The following CD109 variants were observed in gnomAD, a reference collection of about 807,000 sequenced individuals.
CD109 encodes CD109 molecule.
Under a neutral mutation model 165.8 loss-of-function variants are expected in CD109, and 149 were observed. The observed-to-expected ratio is 0.90, with a 90% CI of 0.79 to 1.03. The LOEUF (loss-of-function observed/expected upper bound fraction) is 1.03. CD109 is among the 50% of genes least tolerant of loss of function. CD109 has a pLI of 0.00. For missense variants in CD109, 1,712 were observed against 1,677.8 expected (o/e 1.02, Z -0.36); for synonymous variants, 585 against 592.1 (o/e 0.99, Z 0.18).
intron 15 of CD109, among the ~76,000 whole-genome samples, chr6:73,779,050 C>A (rs1483010750): frequency 2.0e-5 from 3 of 152,152 alleles, no homozygotes; most frequent in Non-Finnish European, 4.4e-5. Context: ...CAGACAGAGA[C>A]TCTGTAATCA....
intron 19 of CD109, 58 bp downstream of exon 19, chr6:73,783,882 C>T (rs1774595595): frequency 2.2e-6 from 2 of 910,230 alleles, no homozygotes; most frequent in South Asian, 3.0e-5. Context: ...AATACAGCGT[C>T]AGCTCCTCAA....
chr6:73,774,671 T>C (rs1004885560), intron 15 of CD109, among the ~76,000 whole-genome samples: 1 of 152,200 alleles, frequency 6.6e-6, no homozygotes, highest in African/African-American at 2.4e-5. Flanking sequence ...GGACTGTGTG[T>C]CCTGAGGCTA....
In CD109 at chr6:73,780,449, A is replaced by G; in HGVS notation, c.1853A>G (p.Asn618Ser). The stretch of plus-strand genomic sequence containing the variant: ...GTGGTCCATGAGTTGGAACTTTATA[A>G]CACAGGATATTATTTAGGCATGTTC... Reference protein sequence around the residue: ...ENVVHELELYNTGYYLGMFMN... With the variant: ...ENVVHELELYSTGYYLGMFMN... The change falls in exon 16 of 33, where the codon AAC (asparagine) becomes AGC (serine). Residue 618 changes from asparagine (N) to serine (S), a missense_variant. By Grantham distance (46) the Asn-to-Ser change is conservative. Transcript: ENST00000287097. 6.2e-7 allele frequency: 1 copy of G among 1,608,120 alleles called. No homozygotes were observed.
intron 32 of CD109, among the ~76,000 whole-genome samples, chr6:73,821,075 G>T (rs1776091927): frequency 6.6e-6 from 1 of 152,106 alleles, no homozygotes; most frequent in Non-Finnish European, 1.5e-5. Flanking sequence ...ACCAAATGCT[G>T]CATGTTCGCA....
intron 2 of CD109, among the ~76,000 whole-genome samples, chr6:73,707,089 G>A (rs1182465115): frequency 6.6e-6 from 1 of 152,220 alleles, no homozygotes; most frequent in Non-Finnish European, 1.5e-5. Context: ...TTCATTTGAT[G>A]TGTCCTCCCA....
At position 73,730,530 on chromosome 6, in the gene CD109, T is replaced by C. The variant is rs1653718451; in HGVS notation, c.463T>C (p.Ser155Pro). 6.2e-7 allele frequency: 1 copy of C among 1,614,116 alleles called. No homozygotes were observed. The highest frequency in any genetic ancestry group is 8.5e-7 in the Non-Finnish European group (1 of 1,179,976). ...EVKFRIVTLF[S>P]DFKPYKTSLN... ...GAAGTTTCGCATTGTTACACTCTTC[T>C]CAGATTTTAAGCCTTACAAAACCTC... is the stretch of plus-strand genomic sequence containing the variant. Residue 155 changes from serine to proline, a missense_variant, in exon 4 of 33, where the codon TCA (serine) becomes CCA (proline). Ser to Pro is a moderately conservative substitution (Grantham distance 74, BLOSUM62 -1). Coordinates refer to ENST00000287097, the MANE Select transcript of CD109 (RefSeq NM_133493.5).
At position 73,780,488 on chromosome 6, in the gene CD109, C is replaced by T. The variant is rs1774443967; in HGVS notation, c.1892C>T (p.Ala631Val). ...YYLGMFMNSFAVFQECGLWVL... is the reference protein window; with the variant it reads ...YYLGMFMNSFVVFQECGLWVL... ...TTAGGCATGTTCATGAATTCTTTTG[C>T]AGTCTTTCAGGTATGTTTTGCTTGC... Residue 631 changes from alanine to valine, a missense_variant, in exon 16 of 33, where the codon GCA becomes GTA. Coordinates refer to ENST00000287097, the MANE Select transcript of CD109 (RefSeq NM_133493.5). 3 of 1,603,544 alleles carry T rather than the reference C, an allele frequency of 1.9e-6. No individual in the cohort carries two copies. The highest frequency in any genetic ancestry group is 1.3e-5 in the African/African-American group (1 of 74,782).
rs1776285096 is a variant in CD109 at position 73,826,630 on chromosome 6, G to T, written c.*2997G>T. ...CTTCCTTTTATTGTGTTGTGCTATT[G>T]TACTTTGTTTTTCAAAACATTGTAA... On this transcript the variant is annotated 3_prime_UTR_variant, in exon 33 of 33. Coordinates refer to ENST00000287097, the MANE Select transcript of CD109 (RefSeq NM_133493.5). 1 of 152,100 alleles carries T rather than the reference G, an allele frequency of 6.6e-6. No homozygotes were observed. Among genetic ancestry groups the T allele is most frequent in the Non-Finnish European group, 1.5e-5 (1 of 68,002 alleles). 9.4% of individuals were successfully genotyped at this position (152,100 alleles called of 1,614,324 possible). A position where few individuals can be genotyped will look rare whatever the true frequency, so the allele number is the denominator to read the frequency against.
chr6:73,737,636 A>C (rs1257087762), intron 5 of CD109, among the ~76,000 whole-genome samples: 1 of 152,240 alleles, frequency 6.6e-6, no homozygotes, highest in African/African-American at 2.4e-5. Flanking sequence ...CACTGTTATA[A>C]ATGGCAGCCT....
rs747618552 is a variant in CD109, at chr6:73,815,035, A to G, written c.3823A>G (p.Ile1275Val). Residue 1275 changes from isoleucine (I) to valine (V), a missense_variant, in exon 30 of 33, where the codon ATC (isoleucine) becomes GTC (valine). Ile to Val is a conservative substitution (Grantham distance 29). Transcript: ENST00000287097. ...TGGGTCTTCTAGAAGACGAAGATCT[A>G]TCCAAAATCAAGAAGCCTTTGATTT... is the stretch of plus-strand genomic sequence containing the variant. ...ASGSSRRRRS[I>V]QNQEAFDLDV... is the part of the protein sequence containing the mutation. The G allele has an allele frequency of 6.3e-6, 10 of 1,587,328 alleles. No homozygotes were observed. The East Asian group carries it at 2.1e-4, about 33-fold the overall frequency.
At chr6:73,686,404 T>C in the CD109 span, among the ~76,000 whole-genome samples, 1 of 152,254 alleles carries the variant, frequency 6.6e-6, no homozygotes, top group Admixed American at 6.5e-5. Context: ...ATCTGTGTGA[T>C]GTTTAATACG....
chr6:73,738,287 G>A (rs1378833810), intron 5 of CD109, among the ~76,000 whole-genome samples: 1 of 152,164 alleles, frequency 6.6e-6, no homozygotes, highest in Non-Finnish European at 1.5e-5. Context: ...GTGTTCTTCA[G>A]TTCTTCTGAT....
intron 31 of CD109, 147 bp from the exon 32 acceptor site, chr6:73,820,314 G>A: frequency 3.7e-6 from 2 of 542,068 alleles, no homozygotes; most frequent in Non-Finnish European, 6.6e-6. Flanking sequence ...TAGTTCATAG[G>A]AAGTACTTAC....
intron 19 of CD109, 92 bp from the exon 20 acceptor site, chr6:73,785,272 C>T: frequency 1.4e-6 from 1 of 703,746 alleles, no homozygotes; most frequent in South Asian, 1.7e-5. Flanking sequence ...AAGTTAAAAG[C>T]TTCACAGGTT....
At chr6:73,780,647 A>T (rs1774448072) in intron 16 of CD109, 149 bp downstream of exon 16, 1 of 547,656 alleles carries the variant, frequency 1.8e-6, no homozygotes, top group Non-Finnish European at 3.2e-6. Context: ...AAATGAAAAG[A>T]TAATCATCTT....
chr6:73,717,885 C>T (rs1771804220), intron 2 of CD109, among the ~76,000 whole-genome samples: 3 of 151,464 alleles, frequency 2.0e-5, no homozygotes, highest in Admixed American at 6.6e-5. Flanking sequence ...TCCCAAAGTG[C>T]TGGGATTACA....
At chr6:73,718,398 C>CT (rs991265371) in intron 2 of CD109, among the ~76,000 whole-genome samples, 6 of 151,804 alleles carry the variant, frequency 4.0e-5, no homozygotes, top group Non-Finnish European at 7.4e-5. Flanking sequence ...TCATATATGG[C>CT]TTTTTTTATG....
chr6:73,731,080 C>T (rs2150180755), intron 4 of CD109, among the ~76,000 whole-genome samples: 1 of 151,092 alleles, frequency 6.6e-6, no homozygotes, highest in African/African-American at 2.4e-5. Flanking sequence ...GAGTTTCACT[C>T]TTGTTGCCCA....
At chr6:73,753,707 C>T (rs545544984) in intron 5 of CD109, among the ~76,000 whole-genome samples, 1 of 152,148 alleles carries the variant, frequency 6.6e-6, no homozygotes, top group East Asian at 1.9e-4. Context: ...TGCATTCACT[C>T]CTTGGGGCAT....
Sources: allele counts gnomAD v4.1 joint callset (sites outside exome capture counted in the v4.1 genomes callset), GRCh38; gene constraint gnomAD v4.1.1; transcripts MANE v1.5; gene names NCBI Gene and HGNC (gene_info 2026-07-23, HGNC 2026-07-21).